SYNE1: variants seen among roughly 807,000 people sequenced by gnomAD.
SYNE1 encodes the protein nesprin-1.
Under a neutral mutation model 1,111.0 loss-of-function variants are expected in SYNE1, and 616 were observed. The ratio of observed to expected loss-of-function variants is 0.55; its 90% CI spans 0.52 to 0.59. The LOEUF (loss-of-function observed/expected upper bound fraction) is 0.59. SYNE1 is among the 20% of genes least tolerant of loss of function. The probability of loss-of-function intolerance (pLI) is 0.00; values close to 1 mark genes in which losing one functional copy is unlikely to be tolerated. For synonymous variants in SYNE1, 3,855 were observed against 3,825.8 expected, an observed-to-expected ratio of 1.01 and a Z score of -0.28; for missense variants, 10,006 against 10,417.0, an observed-to-expected ratio of 0.96 and a Z score of 1.72.
rs941622703 is a variant in SYNE1 at position 152,454,211 on chromosome 6, CAT to C, written c.2893-493_2893-492del. Among the ~76,000 whole-genome samples the C allele has an allele frequency of 1.2e-4, 18 of 152,258 alleles. 1 individual carries two copies. Among genetic ancestry groups the C allele is most frequent in the South Asian group, 6.2e-4 (3 of 4,826 alleles). Reference sequence around the variant, plus strand: ...GCACACATGTGCACACAGAAGCACACATGTGCACACAGAAGCACACATGTGCA... The same window carrying C: ...GCACACATGTGCACACAGAAGCACACGTGCACACAGAAGCACACATGTGCA... On this transcript the variant is annotated intron_variant, in intron 24 of 145. Transcript: ENST00000367255.
In SYNE1 at chr6:152,271,587, G is replaced by A. The variant is rs2093216150; in HGVS notation, c.18574-2301C>T. 2.6e-5 allele frequency among the ~76,000 whole-genome samples: 4 copies of A among 152,146 alleles called. No individual in the cohort carries two copies. The South Asian group carries it at 8.3e-4, about 32-fold the overall frequency. ...GATTTTCCTAGAGATGGGAAGTTTG[G>A]GTGGATGGGCATTCTCCCAGAACTG... On this transcript the variant is annotated intron_variant, in intron 98 of 145. Transcript: ENST00000367255.
In SYNE1 at chr6:152,418,472, T is replaced by C. The variant is rs182867567; in HGVS notation, c.5421+1097A>G. The stretch of plus-strand genomic sequence containing the variant: ...GAGTGAACACTCAATAAATATGAAA[T>C]ATTCTATTGTTAAATGTTGCTATAT... On this transcript the variant is annotated intron_variant, in intron 40 of 145. Coordinates refer to ENST00000367255, the MANE Select transcript of SYNE1 (RefSeq NM_182961.4). Among the ~76,000 whole-genome samples, 20 of 152,358 alleles carry C rather than the reference T, an allele frequency of 1.3e-4. No individual in the cohort carries two copies. The East Asian group carries it at 3.7e-3, about 28-fold the overall frequency.
chr6:152,164,133 T>C (rs753443746), intron 131 of SYNE1, 30 bp downstream of exon 131: 1 of 1,613,730 alleles, frequency 6.2e-7, no homozygotes, highest in South Asian at 1.1e-5. Flanking sequence ...TTCCATGGCT[T>C]ATTAATTCCA....
chr6:152,127,799 T>C (rs978236625), intron 145 of SYNE1: 4 of 152,150 alleles, frequency 2.6e-5, no homozygotes, highest in African/African-American at 9.7e-5. Flanking sequence ...AACTGAGTAG[T>C]GTTTATAGTG....
chr6:152,341,745 G>A (rs1348342468), intron 74 of SYNE1, among the ~76,000 whole-genome samples: 1 of 152,108 alleles, frequency 6.6e-6, no homozygotes, highest in African/African-American at 2.4e-5. Context: ...ATTTAATGTC[G>A]TCAGCAGATT....
intron 74 of SYNE1, 100 bp from the exon 75 acceptor site, chr6:152,339,466 C>G: frequency 6.6e-7 from 1 of 1,511,366 alleles, no homozygotes; most frequent in Non-Finnish European, 9.0e-7. Flanking sequence ...CAAAAATAGT[C>G]TTGCTATGCT....
chr6:152,351,406 C>G (rs1453598461), intron 70 of SYNE1, among the ~76,000 whole-genome samples: 1 of 152,178 alleles, frequency 6.6e-6, no homozygotes, highest in Non-Finnish European at 1.5e-5. Flanking sequence ...TAAAAGGTAT[C>G]ACTCAATCAT....
chr6:152,586,207 T>C (rs1468702779), intron 3 of SYNE1, among the ~76,000 whole-genome samples: 1 of 152,216 alleles, frequency 6.6e-6, no homozygotes, highest in Non-Finnish European at 1.5e-5. Context: ...TTTATTTTTC[T>C]GAATTAATAT....
In SYNE1 at chr6:152,450,616, T is replaced by G; in HGVS notation, c.3395+9A>C. 1 of 1,613,382 alleles carries G rather than the reference T, an allele frequency of 6.2e-7. No homozygotes were observed. Among genetic ancestry groups the G allele is most frequent in the Non-Finnish European group, 8.5e-7 (1 of 1,179,404 alleles). ...CTACACCCCTCTCTGGAGGCCATTC[T>G]GAGGCTACCTGCTAGTGTAGTCCTT... is the stretch of plus-strand genomic sequence containing the variant. On this transcript the variant is annotated intron_variant, in intron 27 of 145. Coordinates refer to ENST00000367255, the MANE Select transcript of SYNE1 (RefSeq NM_182961.4).
At chr6:152,483,317 A>T (rs2098919434) in intron 13 of SYNE1, 68 bp from the exon 14 acceptor site, 2 of 1,316,420 alleles carry the variant, frequency 1.5e-6, no homozygotes, top group Admixed American at 3.5e-5. Flanking sequence ...ATTGCACCCA[A>T]ATAATAGTAA....
In SYNE1 at chr6:152,236,031, C is replaced by T. The variant is rs932826858; in HGVS notation, c.20396+76G>A. 2.3e-5 allele frequency: 34 copies of T among 1,501,438 alleles called. No individual in the cohort carries two copies. In the African/African-American group the frequency reaches 3.2e-4, roughly 14 times the overall value. 93.0% of individuals were successfully genotyped at this position (1,501,438 alleles called of 1,614,324 possible). A position where few individuals can be genotyped will look rare whatever the true frequency, so the allele number is the denominator to read the frequency against. On this transcript the variant is annotated intron_variant, in intron 110 of 145. Coordinates refer to ENST00000367255, the MANE Select transcript of SYNE1 (RefSeq NM_182961.4). ...TAATGAGATTATAGGTTTGAGCCAT[C>T]ATCCCCCACCCGCACTAGCCTTATT...
chr6:152,152,642 C>G (rs1296009626), intron 133 of SYNE1, among the ~76,000 whole-genome samples: 1 of 152,148 alleles, frequency 6.6e-6, no homozygotes, highest in African/African-American at 2.4e-5. Context: ...TACCTCAATT[C>G]TGCTGTCCAT....
chr6:152,510,291 A>C lies in SYNE1; in HGVS notation c.483T>G (p.Ser161=). 6.2e-7 allele frequency: 1 copy of C among 1,614,104 alleles called. No homozygotes were observed. Among genetic ancestry groups the C allele is most frequent in the Non-Finnish European group, 8.5e-7 (1 of 1,179,978 alleles). ...SASSVDSIVS[S]ETPSPPSKRK... is the part of the protein sequence containing the mutation. ...GTTTACTTGGTGGGCTGGGAGTCTCAGAGCTAACTATGCTGTCCACGGAGG... is the reference window on the plus strand; with the variant it reads ...GTTTACTTGGTGGGCTGGGAGTCTCCGAGCTAACTATGCTGTCCACGGAGG... The change falls in exon 8 of 146, where the codon TCT becomes TCG. Residue 161 remains serine, a synonymous_variant. Coordinates refer to ENST00000367255, the MANE Select transcript of SYNE1 (RefSeq NM_182961.4).
At chr6:152,455,736 T>C (rs2098691549) in intron 23 of SYNE1, 146 bp from the exon 24 acceptor site, 2 of 1,382,142 alleles carry the variant, frequency 1.4e-6, no homozygotes, top group South Asian at 1.2e-5. Context: ...CAATATTAAT[T>C]AATATTAGGT....
chr6:152,282,254 G>A (rs2094077874), intron 96 of SYNE1, among the ~76,000 whole-genome samples: 1 of 152,096 alleles, frequency 6.6e-6, no homozygotes, highest in South Asian at 2.1e-4. Flanking sequence ...ATAGGACCAG[G>A]CAGTAATAGA....
In SYNE1 at chr6:152,352,221, G is replaced by A. The variant is rs780765362; in HGVS notation, c.11386C>T (p.Gln3796Ter). 14 of 1,614,038 alleles carry A rather than the reference G, an allele frequency of 8.7e-6. No homozygotes were observed. Among genetic ancestry groups the A allele is most frequent in the Non-Finnish European group, 5.1e-6 (6 of 1,179,998 alleles). ...LRKEIHDHME[Q>*]LKELTSTVRK... ...ACAGTGCTGGTCAGTTCCTTCAACT[G>A]CTCCATGTGATCATGAATCTCCTTT... The change falls in exon 70 of 146, where the codon CAG (glutamine) becomes TAG (stop). Residue 3796 changes from glutamine to a stop codon, truncating the protein, a stop_gained. Coordinates refer to ENST00000367255, the MANE Select transcript of SYNE1 (RefSeq NM_182961.4). LOFTEE classifies it high-confidence loss of function.
chr6:152,288,559 T>A (rs1376446193), intron 95 of SYNE1, among the ~76,000 whole-genome samples: 3 of 152,162 alleles, frequency 2.0e-5, no homozygotes, highest in Non-Finnish European at 4.4e-5. Context: ...TTTTTTTAAT[T>A]TTTTTGGGAG....
intron 49 of SYNE1, among the ~76,000 whole-genome samples, chr6:152,398,000 CAAA>C (rs569912534): frequency 7.8e-5 from 8 of 102,144 alleles, no homozygotes; most frequent in Admixed American, 1.1e-4. Context: ...GACTCCATCT[CAAA>C]AAAAAAAAAA....
intron 31 of SYNE1, 70 bp from the exon 32 acceptor site, chr6:152,441,340 T>C: frequency 2.7e-6 from 4 of 1,507,244 alleles, no homozygotes; most frequent in Non-Finnish European, 3.6e-6. Flanking sequence ...TTCATTCGTT[T>C]GCAAAACTGT....
Sources: allele counts gnomAD v4.1 joint callset (sites outside exome capture counted in the v4.1 genomes callset), GRCh38; gene constraint gnomAD v4.1.1; transcripts MANE v1.5; gene names NCBI Gene and HGNC (gene_info 2026-07-23, HGNC 2026-07-21).